ADCY2: variants seen among roughly 807,000 people sequenced by gnomAD.
ADCY2 encodes the protein adenylate cyclase type 2.
Under a neutral mutation model 125.2 loss-of-function variants are expected in ADCY2, and 31 were observed. The ratio of observed to expected loss-of-function variants is 0.25; its 90% CI spans 0.19 to 0.33. The LOEUF is 0.33. Ranked by LOEUF, ADCY2 falls within the 10% of genes least tolerant of loss-of-function variation. The probability of loss-of-function intolerance (pLI) is 1.00; values close to 1 mark genes in which losing one functional copy is unlikely to be tolerated. For missense variants in ADCY2, 904 were observed against 1,418.2 expected, an observed-to-expected ratio of 0.64 and a Z score of 5.82; for synonymous variants, 512 against 548.4, an observed-to-expected ratio of 0.93 and a Z score of 0.93.
intron 3 of ADCY2, among the ~76,000 whole-genome samples, chr5:7,612,846 C>G (rs985239784): frequency 1.3e-5 from 2 of 152,116 alleles, no homozygotes; most frequent in Non-Finnish European, 2.9e-5. Context: ...GAAACCCCGT[C>G]TCTACTGAAA....
At position 7,651,352 on chromosome 5, in the gene ADCY2, A is replaced by G. The variant is rs571002385; in HGVS notation, c.720+25036A>G. 9.7e-4 allele frequency among the ~76,000 whole-genome samples: 148 copies of G among 152,284 alleles called. 2 individuals carry two copies. Among genetic ancestry groups the G allele is most frequent in the African/African-American group, 3.5e-3 (145 of 41,560 alleles). On this transcript the variant is annotated intron_variant, in intron 4 of 24. Transcript: ENST00000338316. The stretch of plus-strand genomic sequence containing the variant: ...ACACGATCACAAGGTGAGGTCCCAC[A>G]ATAGGCCATCTGAAAACTGAGGATC...
At chr5:7,455,105 T>C (rs1211308214) in intron 2 of ADCY2, among the ~76,000 whole-genome samples, 1 of 152,198 alleles carries the variant, frequency 6.6e-6, no homozygotes, top group Non-Finnish European at 1.5e-5. Context: ...TTTTCTTCTT[T>C]TCTCGCTGCA....
intron 3 of ADCY2, among the ~76,000 whole-genome samples, chr5:7,559,678 C>T (rs1163352381): frequency 6.6e-6 from 1 of 152,118 alleles, no homozygotes; most frequent in South Asian, 2.1e-4. Context: ...CTTTCTGTTG[C>T]CTGTTAGCCC....
chr5:7,413,128 A>C (rs575793084), intron 1 of ADCY2, among the ~76,000 whole-genome samples: 1 of 152,056 alleles, frequency 6.6e-6, no homozygotes, highest in Admixed American at 6.5e-5. Context: ...CTGTTTCCCC[A>C]TCTCCCTGTG....
In ADCY2 at chr5:7,827,758, G is replaced by C. The variant is rs1201097351; in HGVS notation, c.*887G>C. 1 of 152,326 alleles carries C rather than the reference G, an allele frequency of 6.6e-6. No individual in the cohort carries two copies. Among genetic ancestry groups the C allele is most frequent in the Admixed American group, 6.5e-5 (1 of 15,280 alleles). 9.4% of individuals were successfully genotyped at this position (152,326 alleles called of 1,614,324 possible). A position where few individuals can be genotyped will look rare whatever the true frequency, so the allele number is the denominator to read the frequency against. On this transcript the variant is annotated 3_prime_UTR_variant, in exon 25 of 25. Coordinates refer to ENST00000338316, the MANE Select transcript of ADCY2 (RefSeq NM_020546.3). ...GGCAAGCATGTTGAATGTATCTAGT[G>C]GTCTGATTTTAATTTGGGCATCTCT...
chr5:7,624,296 G>A (rs1738051708), intron 3 of ADCY2, among the ~76,000 whole-genome samples: 1 of 152,210 alleles, frequency 6.6e-6, no homozygotes, highest in African/African-American at 2.4e-5. Context: ...GGTAGATGGA[G>A]AACAAAATGT....
At chr5:7,476,785 C>T (rs1031679262) in intron 2 of ADCY2, among the ~76,000 whole-genome samples, 5 of 152,204 alleles carry the variant, frequency 3.3e-5, no homozygotes, top group Non-Finnish European at 7.3e-5. Context: ...CCACTGCTCA[C>T]ATTATTCTCT....
intron 3 of ADCY2, among the ~76,000 whole-genome samples, chr5:7,542,161 A>C (rs1324747383): frequency 6.6e-6 from 1 of 152,198 alleles, no homozygotes; most frequent in African/African-American, 2.4e-5. Context: ...GGCTGGCTGC[A>C]GAGTCCCCCC....
intron 4 of ADCY2, among the ~76,000 whole-genome samples, chr5:7,631,843 C>A (rs919121414): frequency 6.6e-6 from 1 of 152,142 alleles, no homozygotes; most frequent in Non-Finnish European, 1.5e-5. Context: ...TCTGCTTGGA[C>A]ATGTGGTGGT....
At chr5:7,638,817 T>C (rs1302423871) in intron 4 of ADCY2, among the ~76,000 whole-genome samples, 1 of 152,218 alleles carries the variant, frequency 6.6e-6, no homozygotes, top group Non-Finnish European at 1.5e-5. Context: ...GGTTTGGCTC[T>C]GTGGCCCCAC....
chr5:7,815,447 A>G (rs1745078582), intron 22 of ADCY2, among the ~76,000 whole-genome samples: 1 of 152,226 alleles, frequency 6.6e-6, no homozygotes. Context: ...AGGCTGGAAC[A>G]GAAACCGTGC....
At chr5:7,588,144 A>G (rs1215775555) in intron 3 of ADCY2, among the ~76,000 whole-genome samples, 2 of 152,002 alleles carry the variant, frequency 1.3e-5, no homozygotes, top group Non-Finnish European at 2.9e-5. Context: ...TCCTTATTTC[A>G]GTAATATGGT....
chr5:7,552,911 C>T (rs1459285743), intron 3 of ADCY2, among the ~76,000 whole-genome samples: 1 of 152,186 alleles, frequency 6.6e-6, no homozygotes, highest in East Asian at 1.9e-4. Flanking sequence ...TGGCCACCCT[C>T]CATCCTACTA....
chr5:7,580,116 G>A (rs1490848009), intron 3 of ADCY2, among the ~76,000 whole-genome samples: 2 of 152,048 alleles, frequency 1.3e-5, no homozygotes, highest in Non-Finnish European at 2.9e-5. Flanking sequence ...AAAGGAGGAG[G>A]ACACCTGTTT....
chr5:7,745,662 C>T (rs183711848), intron 15 of ADCY2, among the ~76,000 whole-genome samples: 2 of 152,318 alleles, frequency 1.3e-5, no homozygotes, highest in East Asian at 3.9e-4. Flanking sequence ...CCCCACAAAT[C>T]TCCTGAAGCC....
intron 2 of ADCY2, among the ~76,000 whole-genome samples, chr5:7,447,943 C>T (rs953691132): frequency 8.5e-5 from 13 of 152,268 alleles, no homozygotes; most frequent in East Asian, 1.9e-4. Context: ...GGCTTCCTAC[C>T]GAAGGGAGGG....
chr5:7,531,729 G>A (rs1409673495), intron 3 of ADCY2, among the ~76,000 whole-genome samples: 1 of 152,082 alleles, frequency 6.6e-6, no homozygotes, highest in Admixed American at 6.5e-5. Flanking sequence ...TCTCTCATAA[G>A]GACATGATTC....
intron 2 of ADCY2, among the ~76,000 whole-genome samples, chr5:7,517,662 G>A (rs1320826297): frequency 6.6e-6 from 1 of 152,122 alleles, no homozygotes; most frequent in African/African-American, 2.4e-5. Context: ...AATTAATTTT[G>A]CCATCTCATA....
At chr5:7,518,512 T>G (rs1744328808) in intron 2 of ADCY2, among the ~76,000 whole-genome samples, 1 of 152,212 alleles carries the variant, frequency 6.6e-6, no homozygotes, top group Non-Finnish European at 1.5e-5. Flanking sequence ...TGAAAAAACC[T>G]TCAGAGTCTT....
Sources: allele counts gnomAD v4.1 joint callset (sites outside exome capture counted in the v4.1 genomes callset), GRCh38; gene constraint gnomAD v4.1.1; transcripts MANE v1.5; gene names NCBI Gene and HGNC (gene_info 2026-07-23, HGNC 2026-07-21).